CRACR2B: variants seen among roughly 807,000 people sequenced by gnomAD.
The protein encoded by CRACR2B is EF-hand calcium-binding domain-containing protein 4A.
CRACR2B carries 50 observed loss-of-function variants against 46.0 expected under a neutral mutation model. The observed-to-expected ratio is 1.09, with a 90% confidence interval of 0.87 to 1.38. The LOEUF (loss-of-function observed/expected upper bound fraction) is 1.38. CRACR2B is among the 40% of genes most tolerant of loss of function. CRACR2B has a pLI of 0.00. For synonymous variants in CRACR2B, 277 were observed against 239.6 expected (o/e 1.16, Z -1.44); for missense variants, 667 against 535.0 (o/e 1.25, Z -2.43).
Position 829,493 on chromosome 11 carries a change from AT to A in CRACR2B, c.413del (p.Phe138SerfsTer20). The A allele has an allele frequency of 1.2e-6, 2 of 1,607,508 alleles. No homozygotes were observed. Among genetic ancestry groups the A allele is most frequent in the South Asian group, 2.2e-5 (2 of 89,960 alleles). On this transcript the variant is annotated frameshift_variant, in exon 3 of 9. Transcript: ENST00000525077. LOFTEE classifies it high-confidence loss of function. ...LDEEEEEEER[F>X]HTVLEQLGVA... The stretch of plus-strand genomic sequence containing the variant: ...ATGAGGAGGAGGAAGAGGAGGAGCG[AT>A]TCCACACTGTGCTGGAGCAGCTGGG...
rs143361943 is a variant in CRACR2B, at chr11:828,374, C to T, written c.-234C>T. ...ATGCCAGACCCACTGGGGCAGTACCCACAGGCCCTGAGCCTACATCAACCA... is the reference window on the plus strand; with the variant it reads ...ATGCCAGACCCACTGGGGCAGTACCTACAGGCCCTGAGCCTACATCAACCA... On this transcript the variant is annotated 5_prime_UTR_variant, in exon 1 of 9. Transcript: ENST00000525077. The T allele has an allele frequency of 1.7e-5, 9 of 532,714 alleles. No homozygotes were observed. The highest frequency in any genetic ancestry group is 2.9e-5 in the Non-Finnish European group (9 of 307,544). The allele number at this position is 532,714 out of a possible 1,614,324, so 33.0% of individuals were successfully genotyped here.
chr11:829,742 CT>C (rs1846233663), intron 3 of CRACR2B: 2 of 1,005,886 alleles, frequency 2.0e-6, no homozygotes, highest in Admixed American at 6.3e-5. Flanking sequence ...GCAGCCAGGG[CT>C]GCAGGGAGGA....
rs746524456 is a variant in CRACR2B, at chr11:828,596, C to T, written c.-12C>T. 8.9e-6 allele frequency: 14 copies of T among 1,575,104 alleles called. No individual in the cohort carries two copies. The highest frequency in any genetic ancestry group is 1.0e-5 in the Non-Finnish European group (12 of 1,168,530). ...ACAGCACCTGAAGGCCAGGCTGAGG[C>T]CCCCTGCTCTCATGGCCAGCCCTGG... On this transcript the variant is annotated 5_prime_UTR_variant, in exon 1 of 9. Transcript: ENST00000525077.
Position 828,664 on chromosome 11 carries a change from C to A in CRACR2B, c.57C>A (p.Leu19=), listed in dbSNP as rs780596259. ...AGGCCCAGGAGGAGGAGGGGGAACTCGAGGGGGGCTCTGCAGGGCCGCGGG... is the reference window on the plus strand; with the variant it reads ...AGGCCCAGGAGGAGGAGGGGGAACTAGAGGGGGGCTCTGCAGGGCCGCGGG... The part of the protein sequence containing the change: ...ADEAQEEEGE[L]EGGSAGPRAA... The change falls in exon 1 of 9, where the codon CTC becomes CTA. Residue 19 remains leucine, a synonymous_variant. Coordinates refer to ENST00000525077, the MANE Select transcript of CRACR2B (RefSeq NM_001286606.2). 13 of 1,608,496 alleles carry A rather than the reference C, an allele frequency of 8.1e-6. No individual in the cohort carries two copies. Among genetic ancestry groups the A allele is most frequent in the Non-Finnish European group, 1.1e-5 (13 of 1,178,510 alleles).
chr11:830,309 G>A lies in CRACR2B; in HGVS notation c.665G>A (p.Arg222Gln). ...CTGTACGAGGAGACGGAGCAGCTTC[G>A]GGAGCAGAGCCGGCGCCCGCCGAGT... The part of the protein sequence containing the change: ...RALYEETEQL[R>Q]EQSRRPPSQN... Residue 222 changes from arginine to glutamine, a missense_variant, in exon 5 of 9, where the codon CGG (arginine) becomes CAG (glutamine). Coordinates refer to ENST00000525077, the MANE Select transcript of CRACR2B (RefSeq NM_001286606.2). 2.6e-6 allele frequency: 4 copies of A among 1,534,422 alleles called. No individual in the cohort carries two copies. The highest frequency in any genetic ancestry group is 3.5e-6 in the Non-Finnish European group (4 of 1,143,508).
rs1310199501 is a variant in CRACR2B at position 829,471 on chromosome 11, A to C, written c.389A>C (p.Glu130Ala). ...DVQGTAGSLD[E>A]EEEEEERFHT... ...CAGGGCACGGCGGGCTCTCTGGATG[A>C]GGAGGAGGAAGAGGAGGAGCGATTC... is the stretch of plus-strand genomic sequence containing the variant. Residue 130 changes from glutamate to alanine, a missense_variant, in exon 3 of 9, where the codon GAG becomes GCG. Glu to Ala is a moderately radical substitution (Grantham distance 107, BLOSUM62 -1). Coordinates refer to ENST00000525077, the MANE Select transcript of CRACR2B (RefSeq NM_001286606.2). 1.9e-6 allele frequency: 3 copies of C among 1,608,726 alleles called. No individual in the cohort carries two copies. Among genetic ancestry groups the C allele is most frequent in the African/African-American group, 2.7e-5 (2 of 74,850 alleles).
intron 3 of CRACR2B, 142 bp from the exon 4 acceptor site, chr11:829,844 T>A: frequency 7.1e-7 from 1 of 1,406,932 alleles, no homozygotes; most frequent in Non-Finnish European, 9.3e-7. Context: ...GCGAAAGCGC[T>A]CACGGGAGGG....
At position 830,651 on chromosome 11, in the gene CRACR2B, C is replaced by T; in HGVS notation, c.724C>T (p.Leu242=). Residue 242 remains leucine, a synonymous_variant, in exon 6 of 9, where the codon CTG becomes TTG. Coordinates refer to ENST00000525077, the MANE Select transcript of CRACR2B (RefSeq NM_001286606.2). ...CGCCCGCGGGGAGCGGAGAAGCCGTCTGGAGCTGGAGCTGCAGAGCCGCGA... is the reference window on the plus strand; with the variant it reads ...CGCCCGCGGGGAGCGGAGAAGCCGTTTGGAGCTGGAGCTGCAGAGCCGCGA... ...NFARGERRSR[L]ELELQSREQD... The T allele has an allele frequency of 6.5e-7, 1 of 1,548,216 alleles. No individual in the cohort carries two copies. Among genetic ancestry groups the T allele is most frequent in the South Asian group, 1.2e-5 (1 of 83,986 alleles).
Position 828,340 on chromosome 11 carries a change from C to G in CRACR2B, c.-268C>G. On this transcript the variant is annotated 5_prime_UTR_variant, in exon 1 of 9. Coordinates refer to ENST00000525077, the MANE Select transcript of CRACR2B (RefSeq NM_001286606.2). Reference sequence around the variant, plus strand: ...GTTGGCAGCCCCTCCTGGGTTCCAGCCTCCTGAGATGCCAGACCCACTGGG... The same window carrying G: ...GTTGGCAGCCCCTCCTGGGTTCCAGGCTCCTGAGATGCCAGACCCACTGGG... 2.2e-6 allele frequency: 1 copy of G among 447,468 alleles called. No homozygotes were observed. Among genetic ancestry groups the G allele is most frequent in the Non-Finnish European group, 3.9e-6 (1 of 253,938 alleles). The allele number at this position is 447,468 out of a possible 1,614,324, so 27.7% of individuals were successfully genotyped here.
chr11:830,401 G>A (rs1476994336), intron 5 of CRACR2B, 64 bp downstream of exon 5: 1 of 1,536,076 alleles, frequency 6.5e-7, no homozygotes, highest in Admixed American at 2.0e-5. Context: ...CCCTGGCTCC[G>A]CCTTCTCTGA....
rs372499416 is a variant in CRACR2B, at chr11:828,676, T to G, written c.69T>G (p.Ser23=). ...QEEEGELEGG[S]AGPRAAILEQ... is the part of the protein sequence containing the mutation. ...AGGAGGGGGAACTCGAGGGGGGCTC[T>G]GCAGGGCCGCGGGCTGCAATACTGG... Residue 23 remains serine, a synonymous_variant, in exon 1 of 9, where the codon TCT becomes TCG. Transcript: ENST00000525077. 5 of 1,610,624 alleles carry G rather than the reference T, an allele frequency of 3.1e-6. No homozygotes were observed. The highest frequency in any genetic ancestry group is 4.2e-6 in the Non-Finnish European group (5 of 1,179,066).
intron 5 of CRACR2B, 73 bp downstream of exon 5, chr11:830,410 G>C (rs964863946): frequency 9.8e-6 from 15 of 1,535,712 alleles, no homozygotes; most frequent in Admixed American, 3.9e-5. Flanking sequence ...CGCCTTCTCT[G>C]AATTAATCCC....
At chr11:831,334 C>A (rs1229124076) in intron 8 of CRACR2B, 39 bp downstream of exon 8, 1 of 1,574,056 alleles carries the variant, frequency 6.4e-7, no homozygotes, top group Non-Finnish European at 8.6e-7. Context: ...ATGGGCTCAG[C>A]GGAGCTTGGG....
In CRACR2B at chr11:828,775, G is replaced by A. The variant is rs746378063; in HGVS notation, c.165+3G>A. ...TCATCACCAAGCACGACCTGCAGGTGAGTCCCCCACCCCAAGAGACTGCTT... is the reference window on the plus strand; with the variant it reads ...TCATCACCAAGCACGACCTGCAGGTAAGTCCCCCACCCCAAGAGACTGCTT... On this transcript the variant is annotated splice_donor_region_variant and intron_variant, in intron 1 of 8. Transcript: ENST00000525077. 1.2e-6 allele frequency: 2 copies of A among 1,613,282 alleles called. No homozygotes were observed. The highest frequency in any genetic ancestry group is 1.7e-6 in the Non-Finnish European group (2 of 1,179,834).
rs1162906409 is a variant in CRACR2B at position 830,959 on chromosome 11, C to G, written c.880C>G (p.Gln294Glu). ...GCGGGCGCACGAGGCGCTGCGAACG[C>G]AGCTGGAGGGGGCGCAGGAGCAGAT... is the stretch of plus-strand genomic sequence containing the variant. ...LWRAHEALRT[Q>E]LEGAQEQIRR... Residue 294 changes from glutamine (Q) to glutamate (E), a missense_variant, in exon 7 of 9, where the codon CAG becomes GAG. Gln to Glu is a conservative substitution (Grantham distance 29). Coordinates refer to ENST00000525077, the MANE Select transcript of CRACR2B (RefSeq NM_001286606.2). 3.9e-6 allele frequency: 6 copies of G among 1,533,596 alleles called. No homozygotes were observed. The highest frequency in any genetic ancestry group is 5.2e-6 in the Non-Finnish European group (6 of 1,146,618). 95.0% of individuals were successfully genotyped at this position (1,533,596 alleles called of 1,614,324 possible). A position where few individuals can be genotyped will look rare whatever the true frequency, so the allele number is the denominator to read the frequency against.
Position 830,320 on chromosome 11 carries a change from C to G in CRACR2B, c.676C>G (p.Arg226Gly). 6.5e-7 allele frequency: 1 copy of G among 1,534,630 alleles called. No individual in the cohort carries two copies. Among genetic ancestry groups the G allele is most frequent in the Non-Finnish European group, 8.7e-7 (1 of 1,144,456 alleles). Residue 226 changes from arginine to glycine, a missense_variant, in exon 5 of 9, where the codon CGG (arginine) becomes GGG (glycine). Coordinates refer to ENST00000525077, the MANE Select transcript of CRACR2B (RefSeq NM_001286606.2). The stretch of plus-strand genomic sequence containing the variant: ...GACGGAGCAGCTTCGGGAGCAGAGC[C>G]GGCGCCCGCCGAGTCAGGTGGGCCT... ...EETEQLREQS[R>G]RPPSQNFARG...
At chr11:831,416 AC>A in intron 8 of CRACR2B, 118 bp from the exon 9 acceptor site, 1 of 1,477,674 alleles carries the variant, frequency 6.8e-7, no homozygotes, top group Non-Finnish European at 9.0e-7. Flanking sequence ...CCTGCCTTTC[AC>A]CCCTCACGCT....
chr11:831,823 G>T lies in CRACR2B; in HGVS notation c.*114G>T. On this transcript the variant is annotated 3_prime_UTR_variant, in exon 9 of 9. Coordinates refer to ENST00000525077, the MANE Select transcript of CRACR2B (RefSeq NM_001286606.2). ...GCTCTCCCCAGTGGGCCCCAGGCTC[G>T]CCTGACTGAAGACATGAAGGACCTA... 7.6e-7 allele frequency: 1 copy of T among 1,308,408 alleles called. No individual in the cohort carries two copies. The highest frequency in any genetic ancestry group is 1.0e-6 in the Non-Finnish European group (1 of 999,314). The allele number at this position is 1,308,408 out of a possible 1,614,324, so 81.0% of individuals were successfully genotyped here. A position where few individuals can be genotyped will look rare whatever the true frequency, so the allele number is the denominator to read the frequency against.
rs1846338924 is a variant in CRACR2B, at chr11:830,716, G to A, written c.786+3G>A. 2 of 1,529,512 alleles carry A rather than the reference G, an allele frequency of 1.3e-6. No individual in the cohort carries two copies. The highest frequency in any genetic ancestry group is 1.8e-6 in the Non-Finnish European group (2 of 1,139,680). The allele number at this position is 1,529,512 out of a possible 1,614,324, so 94.7% of individuals were successfully genotyped here. On this transcript the variant is annotated splice_donor_region_variant and intron_variant, in intron 6 of 8. Coordinates refer to ENST00000525077, the MANE Select transcript of CRACR2B (RefSeq NM_001286606.2). ...GCGCGGGCCTGCGGCAGCGGGAGGT[G>A]AGCACCCGGCCCCTGCCCTGTCCCC...
Sources: gnomAD v4.1 joint callset for allele counts on GRCh38, gnomAD v4.1.1 for gene constraint, MANE v1.5 for transcripts, NCBI Gene and HGNC (gene_info 2026-07-23, HGNC 2026-07-21) for gene names.